Variants in CHRM2 observed in about 807,000 individuals in gnomAD.
The protein encoded by CHRM2 is cholinergic receptor muscarinic 2.
CHRM2 carries 8 observed loss-of-function variants against 25.0 expected under a neutral mutation model. The ratio of observed to expected loss-of-function variants is 0.32; its 90% CI spans 0.19 to 0.58. The LOEUF is 0.58. Among genes scored for constraint, CHRM2 ranks in the 20% least tolerant of loss-of-function variants. CHRM2 has a pLI of 0.88. For synonymous variants in CHRM2, 202 were observed against 205.7 expected (o/e 0.98, Z 0.15); for missense variants, 440 against 567.1 (o/e 0.78, Z 2.28).
chr7:136,894,518 C>T (rs1161222751), intron 2 of CHRM2, among the ~76,000 whole-genome samples: 1 of 151,994 alleles, frequency 6.6e-6, no homozygotes, highest in East Asian at 2.0e-4. Context: ...ATTACAGACA[C>T]ATGCCACCAC....
chr7:136,918,637 G>T (rs966095501), intron 2 of CHRM2, among the ~76,000 whole-genome samples: 1 of 151,920 alleles, frequency 6.6e-6, no homozygotes, highest in Non-Finnish European at 1.5e-5. Context: ...CGTTGCTCAG[G>T]TTGGTCTCAA....
chr7:136,935,715 A>G (rs1799373417), intron 2 of CHRM2, among the ~76,000 whole-genome samples: 1 of 152,178 alleles, frequency 6.6e-6, no homozygotes. Flanking sequence ...TTTATTTAAA[A>G]GGATCATTAC....
chr7:136,938,477 G>A, intron 2 of CHRM2: 1 of 1,108,764 alleles, frequency 9.0e-7, no homozygotes. Context: ...CGCACGGCCT[G>A]GATGTTGGGG....
intron 2 of CHRM2, among the ~76,000 whole-genome samples, chr7:136,957,959 A>T (rs1234174493): frequency 6.6e-6 from 1 of 152,252 alleles, no homozygotes; most frequent in Non-Finnish European, 1.5e-5. Flanking sequence ...TAAAAACTAA[A>T]TATTTACCAT....
Position 137,015,967 on chromosome 7 carries a change from A to G in CHRM2, c.1102A>G (p.Met368Val). 6.2e-7 allele frequency: 1 copy of G among 1,613,206 alleles called. No individual in the cohort carries two copies. The highest frequency in any genetic ancestry group is 8.5e-7 in the Non-Finnish European group (1 of 1,179,456). ...TATTGTAGCCCGCAAGATTGTGAAG[A>G]TGACTAAGCAGCCTGCAAAAAAGAA... ...QNIVARKIVK[M>V]TKQPAKKKPP... Residue 368 changes from methionine to valine, a missense_variant, in exon 4 of 4, where the codon ATG becomes GTG. Coordinates refer to ENST00000680005, the MANE Select transcript of CHRM2 (RefSeq NM_001006630.2). This position sits in a 1 kb window ranked among gnomAD's most constrained non-coding sequence, Gnocchi z 5.1.
intron 2 of CHRM2, among the ~76,000 whole-genome samples, chr7:136,881,829 G>GA (rs2130508678): frequency 6.6e-6 from 1 of 152,048 alleles, no homozygotes; most frequent in South Asian, 2.1e-4. Context: ...AAGAGGAGAG[G>GA]AAAAAATATC....
intron 2 of CHRM2, among the ~76,000 whole-genome samples, chr7:136,927,822 G>C (rs1406723087): frequency 1.3e-5 from 2 of 152,170 alleles, no homozygotes; most frequent in Non-Finnish European, 2.9e-5. Flanking sequence ...GGAATTTTAA[G>C]ATTCTGTGCA....
At chr7:136,935,429 T>C (rs1399618250) in intron 2 of CHRM2, among the ~76,000 whole-genome samples, 1 of 152,102 alleles carries the variant, frequency 6.6e-6, no homozygotes, top group Admixed American at 6.5e-5. Flanking sequence ...CAAGCTGGAT[T>C]TCATTAAAAT....
intron 2 of CHRM2, among the ~76,000 whole-genome samples, chr7:136,970,532 C>T (rs1304328418): frequency 6.6e-6 from 1 of 151,992 alleles, no homozygotes; most frequent in Non-Finnish European, 1.5e-5. Context: ...CTTTTACAAC[C>T]ACATTGTAAT....
intron 2 of CHRM2, among the ~76,000 whole-genome samples, chr7:136,875,229 C>A (rs546392953): frequency 2.6e-5 from 4 of 151,372 alleles, no homozygotes; most frequent in Admixed American, 2.6e-4. Context: ...TACACACATA[C>A]ACACACGCGT....
chr7:136,971,384 G>A (rs542466444), intron 2 of CHRM2, among the ~76,000 whole-genome samples: 118 of 152,204 alleles, frequency 7.8e-4, no homozygotes, highest in Middle Eastern at 3.4e-3. Flanking sequence ...GGGAGGCTGA[G>A]GCAGGGGGAT....
rs546226532 is a variant in CHRM2, at chr7:136,869,870, G to A, written c.-125+452G>A. On this transcript the variant is annotated intron_variant, in intron 2 of 3. Coordinates refer to ENST00000680005, the MANE Select transcript of CHRM2 (RefSeq NM_001006630.2). This position sits in a 1 kb window ranked among gnomAD's most constrained non-coding sequence, Gnocchi z 4.9. ...GCCCCTCGGGTTCCTTCCTGCTGGG[G>A]TCTGACCGCGTCTTCTGTGCGTGTG... 6.6e-6 allele frequency: 1 copy of A among 152,648 alleles called. No homozygotes were observed. The highest frequency in any genetic ancestry group is 2.4e-5 in the African/African-American group (1 of 41,574). 9.5% of individuals were successfully genotyped at this position (152,648 alleles called of 1,614,324 possible). A position where few individuals can be genotyped will look rare whatever the true frequency, so the allele number is the denominator to read the frequency against.
intron 2 of CHRM2, among the ~76,000 whole-genome samples, chr7:136,897,057 G>A (rs1178382289): frequency 6.7e-6 from 1 of 149,090 alleles, no homozygotes; most frequent in African/African-American, 2.5e-5. Flanking sequence ...GGATGGAGTA[G>A]ATAAATATTA....
rs887579507 is a variant in CHRM2, at chr7:137,000,055, C to T, written c.-47+7791C>T. 7.2e-5 allele frequency among the ~76,000 whole-genome samples: 11 copies of T among 152,162 alleles called. 1 individual carries two copies. Among genetic ancestry groups the T allele is most frequent in the African/African-American group, 2.6e-4 (11 of 41,532 alleles). On this transcript the variant is annotated intron_variant, in intron 3 of 3. Coordinates refer to ENST00000680005, the MANE Select transcript of CHRM2 (RefSeq NM_001006630.2). ...TCAAACAGACCTATTGCACAGATGA[C>T]AATTTTACAAACTGTAAAGGTAATT...
At chr7:136,973,368 C>T (rs1428169982) in intron 2 of CHRM2, among the ~76,000 whole-genome samples, 9 of 76,868 alleles carry the variant, frequency 1.2e-4, no homozygotes, top group South Asian at 7.3e-4. Context: ...ATGACGGTGA[C>T]GGTGTTAGGG....
chr7:137,011,561 C>T (rs77125166), intron 3 of CHRM2, among the ~76,000 whole-genome samples: 5,497 of 151,978 alleles, frequency 0.036, 170 homozygotes, highest in African/African-American at 0.082. Flanking sequence ...TGATGCACTC[C>T]AACACTGAGG....
chr7:136,978,147 T>C (rs1441130374), intron 2 of CHRM2, among the ~76,000 whole-genome samples: 1 of 152,176 alleles, frequency 6.6e-6, no homozygotes, highest in Non-Finnish European at 1.5e-5. Flanking sequence ...CGGGATCATC[T>C]GTATCCCAAA....
intron 2 of CHRM2, among the ~76,000 whole-genome samples, chr7:136,917,779 T>C (rs1798203560): frequency 6.6e-6 from 1 of 152,108 alleles, no homozygotes; most frequent in Non-Finnish European, 1.5e-5. Flanking sequence ...AACATTTCTC[T>C]CTTCATAACT....
chr7:136,922,953 T>C (rs1233274841), intron 2 of CHRM2, among the ~76,000 whole-genome samples: 1 of 152,202 alleles, frequency 6.6e-6, no homozygotes, highest in East Asian at 1.9e-4. Context: ...AATGTACTTA[T>C]CTATTAAATG....
Sources: allele counts gnomAD v4.1 joint callset (sites outside exome capture counted in the v4.1 genomes callset), GRCh38; gene constraint gnomAD v4.1.1; non-coding constraint Gnocchi (gnomAD v3.1); transcripts MANE v1.5; gene names NCBI Gene and HGNC (gene_info 2026-07-23, HGNC 2026-07-21).